TBC1D32: variants seen among roughly 807,000 people sequenced by gnomAD.
TBC1D32 encodes the protein TBC1 domain family member 32.
Under a neutral mutation model 170.3 loss-of-function variants are expected in TBC1D32, and 151 were observed. The observed-to-expected ratio is 0.89, with a 90% CI of 0.78 to 1.01. The LOEUF (loss-of-function observed/expected upper bound fraction) is 1.01, where lower values mean the gene tolerates loss of function less well. Ranked by LOEUF, TBC1D32 falls within the 50% of genes least tolerant of loss-of-function variation. The pLI is 0.00. For missense variants in TBC1D32, 1,464 were observed against 1,457.1 expected (o/e 1.00, Z -0.08); for synonymous variants, 498 against 488.0 (o/e 1.02, Z -0.27).
rs536236841 is a variant in TBC1D32, at chr6:121,136,587, A to G, written c.2774-4835T>C. ...AATTACCCAAAATATTAATAGTGCT[A>G]AGACTGAGAAGCCCTGACTTATAGT... is the stretch of plus-strand genomic sequence containing the variant. On this transcript the variant is annotated intron_variant, in intron 24 of 31. Coordinates refer to ENST00000398212, the MANE Select transcript of TBC1D32 (RefSeq NM_152730.6). 5.9e-5 allele frequency among the ~76,000 whole-genome samples: 9 copies of G among 152,278 alleles called. No individual in the cohort carries two copies. The South Asian group carries it at 1.9e-3, about 32-fold the overall frequency.
At chr6:121,210,279 A>G (rs1435040388) in intron 21 of TBC1D32, among the ~76,000 whole-genome samples, 1 of 152,260 alleles carries the variant, frequency 6.6e-6, no homozygotes, top group Non-Finnish European at 1.5e-5. Flanking sequence ...ATGGCTATTA[A>G]GCATAGAAAA....
intron 2 of TBC1D32, among the ~76,000 whole-genome samples, chr6:121,320,420 G>C (rs1809557109): frequency 6.6e-6 from 1 of 151,984 alleles, no homozygotes; most frequent in South Asian, 2.1e-4. Flanking sequence ...TTTCCTAGCA[G>C]TACCATATAA....
chr6:121,318,738 TAC>T (rs1245328703), intron 2 of TBC1D32, among the ~76,000 whole-genome samples: 1 of 150,748 alleles, frequency 6.6e-6, no homozygotes, highest in Non-Finnish European at 1.5e-5. Flanking sequence ...TATATATATA[TAC>T]ACATATATAT....
chr6:121,224,680 A>G (rs550621829), intron 20 of TBC1D32, among the ~76,000 whole-genome samples: 10 of 152,224 alleles, frequency 6.6e-5, no homozygotes, highest in African/African-American at 2.4e-4. Context: ...CTTGTTCTAC[A>G]TCCTTCTTTG....
rs545527216 is a variant in TBC1D32, at chr6:121,189,619, G to A, written c.2570+15456C>T. On this transcript the variant is annotated intron_variant, in intron 22 of 31. Transcript: ENST00000398212. ...ATTCTAGAGCCCCAAGTAGTTTACA[G>A]ACATCTAATTTATCATCATAACACT... Among the ~76,000 whole-genome samples the A allele has an allele frequency of 3.3e-5, 5 of 152,036 alleles. No homozygotes were observed. The South Asian group carries it at 1.0e-3, about 32-fold the overall frequency.
intron 15 of TBC1D32, among the ~76,000 whole-genome samples, chr6:121,277,347 G>C (rs926221663): frequency 6.6e-6 from 1 of 151,802 alleles, no homozygotes; most frequent in Non-Finnish European, 1.5e-5. Context: ...AATTAGCCAG[G>C]CATGGTGGCA....
chr6:121,161,068 A>G lies in TBC1D32; in HGVS notation c.2571-12T>C. On this transcript the variant is annotated splice_polypyrimidine_tract_variant and intron_variant, in intron 22 of 31. Coordinates refer to ENST00000398212, the MANE Select transcript of TBC1D32 (RefSeq NM_152730.6). ...CAATTATAAAGTCCCTGAAAAAATA[A>G]ATATATCACCTTTGTCATCCTTTTG... 6.4e-7 allele frequency: 1 copy of G among 1,567,994 alleles called. No individual in the cohort carries two copies. Among genetic ancestry groups the G allele is most frequent in the Non-Finnish European group, 8.8e-7 (1 of 1,141,322 alleles).
chr6:121,297,768 T>C (rs897589554), intron 10 of TBC1D32, among the ~76,000 whole-genome samples: 11 of 152,052 alleles, frequency 7.2e-5, no homozygotes, highest in African/African-American at 2.7e-4. Context: ...TAATAAAAAC[T>C]AAATAAAATT....
intron 9 of TBC1D32, among the ~76,000 whole-genome samples, chr6:121,302,305 C>T (rs1296111607): frequency 6.6e-6 from 1 of 152,048 alleles, no homozygotes; most frequent in Non-Finnish European, 1.5e-5. Flanking sequence ...ACTGTAGGCC[C>T]ACAACGCCAA....
chr6:121,194,171 T>C (rs1344199764), intron 22 of TBC1D32, among the ~76,000 whole-genome samples: 2 of 152,150 alleles, frequency 1.3e-5, no homozygotes, highest in Non-Finnish European at 2.9e-5. Context: ...TTAGCTCACG[T>C]TGACTTACAG....
intron 19 of TBC1D32, 25 bp from the exon 20 acceptor site, chr6:121,239,213 CA>C (rs758091963): frequency 4.6e-5 from 60 of 1,302,856 alleles, no homozygotes; most frequent in Non-Finnish European, 6.6e-5. Flanking sequence ...TACTTCAAGT[CA>C]TTTATAGCAT....
At chr6:121,260,459 G>A (rs1045954922) in intron 15 of TBC1D32, among the ~76,000 whole-genome samples, 4 of 152,086 alleles carry the variant, frequency 2.6e-5, no homozygotes, top group Non-Finnish European at 5.9e-5. Context: ...GAGGTATCCA[G>A]GTTTTATCAT....
At chr6:121,115,276 G>A in intron 26 of TBC1D32, 35 bp from the exon 27 acceptor site, 1 of 1,468,062 alleles carries the variant, frequency 6.8e-7, no homozygotes, top group Non-Finnish European at 9.2e-7. Context: ...ATAAAGTGCA[G>A]AAAAGTTTGC....
At chr6:121,207,691 A>G (rs758388019) in intron 21 of TBC1D32, among the ~76,000 whole-genome samples, 1 of 152,192 alleles carries the variant, frequency 6.6e-6, no homozygotes, top group Non-Finnish European at 1.5e-5. Context: ...ACTTACAAAA[A>G]GTAGACAGAA....
chr6:121,290,134 A>C (rs1163567272), intron 12 of TBC1D32, among the ~76,000 whole-genome samples: 6 of 152,088 alleles, frequency 3.9e-5, no homozygotes, highest in Admixed American at 2.0e-4. Context: ...GCAACAAAAG[A>C]CAAAATTGAC....
At chr6:121,266,871 T>C (rs561953238) in intron 15 of TBC1D32, among the ~76,000 whole-genome samples, 59 of 151,564 alleles carry the variant, frequency 3.9e-4, no homozygotes, top group African/African-American at 1.4e-3. Context: ...TGAGAACACA[T>C]GGACACAGAG....
chr6:121,173,647 A>G (rs1423356351), intron 22 of TBC1D32, among the ~76,000 whole-genome samples: 3 of 152,084 alleles, frequency 2.0e-5, no homozygotes, highest in African/African-American at 7.2e-5. Flanking sequence ...ATAATTAATT[A>G]CTAGTTAGAT....
At position 121,201,353 on chromosome 6, in the gene TBC1D32, A is replaced by G. The variant is rs189516801; in HGVS notation, c.2570+3722T>C. Among the ~76,000 whole-genome samples the G allele has an allele frequency of 1.3e-3, 202 of 151,582 alleles. 11 individuals are homozygous for G. Among genetic ancestry groups the G allele is most frequent in the African/African-American group, 4.3e-3 (176 of 40,870 alleles). On this transcript the variant is annotated intron_variant, in intron 22 of 31. Transcript: ENST00000398212. ...CACACTCCTGGAGAGGGAGGAAGAT[A>G]GGGTCTCTGACTCATGACGGTGGGT...
intron 25 of TBC1D32, 58 bp downstream of exon 25, chr6:121,131,569 A>C (rs1781442463): frequency 6.5e-7 from 1 of 1,530,856 alleles, no homozygotes. Context: ...AGAACCACAG[A>C]TTCTATTAAT....
Sources: allele counts gnomAD v4.1 joint callset (sites outside exome capture counted in the v4.1 genomes callset), GRCh38; gene constraint gnomAD v4.1.1; transcripts MANE v1.5; gene names NCBI Gene and HGNC (gene_info 2026-07-23, HGNC 2026-07-21).